RGS6: variants seen among roughly 807,000 people sequenced by gnomAD.
RGS6 encodes the protein regulator of G-protein signaling 6.
A neutral mutation model predicts 78.5 loss-of-function variants in RGS6; 30 were observed. The ratio of observed to expected loss-of-function variants is 0.38; its 90% confidence interval spans 0.29 to 0.52. The LOEUF (loss-of-function observed/expected upper bound fraction) is 0.52. Among genes scored for constraint, RGS6 ranks in the 20% least tolerant of loss-of-function variants. The pLI, the probability that RGS6 is intolerant of heterozygous loss-of-function variation, is 0.85. For missense variants in RGS6, 495 were observed against 609.7 expected (o/e 0.81, Z 1.98); for synonymous variants, 206 against 206.0 (o/e 1.00, Z 0.00).
chr14:72,390,901 A>G (rs10133484), intron 3 of RGS6, among the ~76,000 whole-genome samples: 4,109 of 152,098 alleles, frequency 0.027, 199 homozygotes, highest in African/African-American at 0.094. Flanking sequence ...TAGTGACCTG[A>G]CTCTCGTAAG....
intron 2 of RGS6, among the ~76,000 whole-genome samples, chr14:72,056,866 C>T (rs2093642984): frequency 6.6e-6 from 1 of 152,142 alleles, no homozygotes; most frequent in African/African-American, 2.4e-5. Context: ...GTCAAGGAAA[C>T]ATTTGATCAT....
chr14:72,222,985 G>T (rs1227490402), intron 2 of RGS6, among the ~76,000 whole-genome samples: 5 of 152,116 alleles, frequency 3.3e-5, no homozygotes, highest in Non-Finnish European at 5.9e-5. Flanking sequence ...AACTCCAACT[G>T]GATTGTGGTT....
chr14:72,201,608 T>A (rs2041604704), intron 2 of RGS6, among the ~76,000 whole-genome samples: 1 of 152,224 alleles, frequency 6.6e-6, no homozygotes, highest in Non-Finnish European at 1.5e-5. Flanking sequence ...GTTCAAATTA[T>A]AACTCAGCTG....
intron 2 of RGS6, among the ~76,000 whole-genome samples, chr14:72,301,746 A>G (rs994175141): frequency 2.6e-5 from 4 of 152,042 alleles, no homozygotes; most frequent in African/African-American, 9.7e-5. Context: ...AAGCTTTGGC[A>G]TTCCTTGGCT....
intron 12 of RGS6, 138 bp downstream of exon 12, chr14:72,478,467 C>T (rs1432126268): frequency 1.5e-6 from 1 of 651,652 alleles, no homozygotes; most frequent in Non-Finnish European, 2.7e-6. Flanking sequence ...CAGAAAAACC[C>T]ACAGGCTCCA....
intron 17 of RGS6, among the ~76,000 whole-genome samples, chr14:72,548,490 G>C (rs2097446204): frequency 6.6e-6 from 1 of 152,104 alleles, no homozygotes; most frequent in African/African-American, 2.4e-5. Context: ...AGCAAATGCA[G>C]AATGCAGCTG....
At chr14:72,087,206 C>A (rs997912998) in intron 2 of RGS6, among the ~76,000 whole-genome samples, 2 of 152,192 alleles carry the variant, frequency 1.3e-5, no homozygotes, top group Admixed American at 1.3e-4. Flanking sequence ...TCTTAGCTCA[C>A]TGCAACTTCT....
the RGS6 span, among the ~76,000 whole-genome samples, chr14:71,915,181 C>G: frequency 2.0e-5 from 3 of 151,580 alleles, no homozygotes; most frequent in Non-Finnish European, 1.5e-5. Context: ...TCGCTTGAAC[C>G]GGGAGGCAGA....
intron 2 of RGS6, among the ~76,000 whole-genome samples, chr14:72,066,808 AT>A (rs60072172): frequency 0.013 from 1,855 of 140,720 alleles, 17 homozygotes; most frequent in African/African-American, 0.032. Context: ...TTTAGAGGCA[AT>A]TTTTTTTTTT....
At chr14:71,874,567 G>A in the RGS6 span, among the ~76,000 whole-genome samples, 15 of 152,238 alleles carry the variant, frequency 9.9e-5, no homozygotes, top group South Asian at 3.1e-3. Flanking sequence ...TTTTCTAAAT[G>A]TACAATCATA....
chr14:71,926,200 T>C, the RGS6 span, among the ~76,000 whole-genome samples: 1,550 of 152,316 alleles, frequency 0.01, 35 homozygotes, highest in African/African-American at 0.035. Flanking sequence ...AGATTCTAAA[T>C]AGCCAAAGCA....
At chr14:72,304,243 A>G (rs2066734100) in intron 2 of RGS6, among the ~76,000 whole-genome samples, 1 of 152,138 alleles carries the variant, frequency 6.6e-6, no homozygotes, top group Non-Finnish European at 1.5e-5. Context: ...GTCTCTTTTA[A>G]GTGGTGTGGG....
intron 2 of RGS6, among the ~76,000 whole-genome samples, chr14:72,340,077 CAG>C (rs1244122961): frequency 1.3e-5 from 2 of 152,174 alleles, no homozygotes; most frequent in Non-Finnish European, 2.9e-5. Context: ...ACCTAGCATG[CAG>C]TGAGTGCTCA....
At chr14:72,412,599 C>T (rs1478261517) in intron 3 of RGS6, among the ~76,000 whole-genome samples, 1 of 151,996 alleles carries the variant, frequency 6.6e-6, no homozygotes, top group Non-Finnish European at 1.5e-5. Flanking sequence ...TTATTTCTTG[C>T]CTTCTGCTAG....
chr14:71,892,595 G>A, the RGS6 span, among the ~76,000 whole-genome samples: 23,093 of 152,094 alleles, frequency 0.15, 2,581 homozygotes, highest in African/African-American at 0.31. Context: ...TATAACCTTG[G>A]TGAGCATTTC....
chr14:72,604,330 A>G, the RGS6 span, among the ~76,000 whole-genome samples: 1 of 152,112 alleles, frequency 6.6e-6, no homozygotes, highest in African/African-American at 2.4e-5. Flanking sequence ...GCCCATCCCC[A>G]ATCCCAAATC....
At chr14:72,168,200 C>T (rs1000343781) in intron 2 of RGS6, among the ~76,000 whole-genome samples, 8 of 152,196 alleles carry the variant, frequency 5.3e-5, no homozygotes, top group Non-Finnish European at 1.0e-4. Flanking sequence ...CTGCCCCATC[C>T]CTTTCATGCA....
intron 2 of RGS6, among the ~76,000 whole-genome samples, chr14:72,123,831 A>T (rs2096120200): frequency 6.6e-6 from 1 of 152,184 alleles, no homozygotes; most frequent in Admixed American, 6.5e-5. Context: ...AACATTCTGA[A>T]GCTTCAGGTT....
chr14:72,336,981 C>A (rs143511131), intron 2 of RGS6, among the ~76,000 whole-genome samples: 1 of 152,150 alleles, frequency 6.6e-6, no homozygotes, highest in Admixed American at 6.5e-5. Flanking sequence ...CATTTTAACT[C>A]GATTACCTCT....
Sources: allele counts gnomAD v4.1 joint callset (sites outside exome capture counted in the v4.1 genomes callset), GRCh38; gene constraint gnomAD v4.1.1; transcripts MANE v1.5; gene names NCBI Gene and HGNC (gene_info 2026-07-23, HGNC 2026-07-21).